The following TSPAN9 variants were observed in gnomAD, a reference collection of about 807,000 sequenced individuals.
TSPAN9 encodes tetraspanin-9.
Under a neutral mutation model 31.0 loss-of-function variants are expected in TSPAN9, and 16 were observed. That is an observed-to-expected ratio of 0.52 (90% CI 0.35 to 0.78). The LOEUF (loss-of-function observed/expected upper bound fraction) is 0.78, where lower values mean the gene tolerates loss of function less well. TSPAN9 is among the 30% of genes least tolerant of loss of function. TSPAN9 has a pLI of 0.01. For synonymous variants in TSPAN9, 145 were observed against 121.6 expected, an observed-to-expected ratio of 1.19 and a Z score of -1.27; for missense variants, 272 against 312.5, an observed-to-expected ratio of 0.87 and a Z score of 0.98.
intron 3 of TSPAN9, among the ~76,000 whole-genome samples, chr12:3,226,600 G>T (rs1181920497): frequency 1.4e-5 from 2 of 147,874 alleles, no homozygotes; most frequent in Non-Finnish European, 3.0e-5. Flanking sequence ...GGAGTTTGAG[G>T]CCAGCCTAGG....
chr12:3,165,671 C>T (rs993084452), intron 2 of TSPAN9, among the ~76,000 whole-genome samples: 1 of 152,178 alleles, frequency 6.6e-6, no homozygotes, highest in Admixed American at 6.5e-5. Context: ...GGAGGCGCCT[C>T]TGCTTGTAAG....
chr12:3,283,726 T>C lies in TSPAN9; in HGVS notation c.*610T>C, dbSNP rs1275344395. ...CTTTTTACTGTGTTGATTTCTTTAA[T>C]GGTTTGACTTTTTTTCCCTGAGGGT... On this transcript the variant is annotated 3_prime_UTR_variant, in exon 9 of 9. Transcript: ENST00000011898. The C allele has an allele frequency of 6.5e-6, 1 of 152,766 alleles. No individual in the cohort carries two copies. Among genetic ancestry groups the C allele is most frequent in the African/African-American group, 2.4e-5 (1 of 41,480 alleles). The allele number at this position is 152,766 out of a possible 1,614,324, so 9.5% of individuals were successfully genotyped here.
intron 3 of TSPAN9, among the ~76,000 whole-genome samples, chr12:3,210,963 C>G (rs1260387178): frequency 6.6e-6 from 1 of 152,084 alleles, no homozygotes; most frequent in Non-Finnish European, 1.5e-5. Flanking sequence ...CCAGGCTGGT[C>G]TCAACCTCCT....
intron 3 of TSPAN9, among the ~76,000 whole-genome samples, chr12:3,264,862 T>C (rs1862513252): frequency 6.6e-6 from 1 of 152,250 alleles, no homozygotes; most frequent in South Asian, 2.1e-4. Flanking sequence ...AAAAAGTCGT[T>C]TTCTGCGGTC....
intron 2 of TSPAN9, among the ~76,000 whole-genome samples, chr12:3,189,228 A>C (rs772323653): frequency 1.3e-5 from 2 of 151,874 alleles, no homozygotes; most frequent in Non-Finnish European, 2.9e-5. Context: ...GAGGCTTCGG[A>C]GGTGGAGGGC....
At chr12:3,243,229 G>GT (rs2098397532) in intron 3 of TSPAN9, among the ~76,000 whole-genome samples, 2 of 152,110 alleles carry the variant, frequency 1.3e-5, no homozygotes, top group African/African-American at 2.4e-5. Context: ...TCCCCATCTC[G>GT]TTGTCTGCTG....
At chr12:3,151,926 A>G (rs922047413) in intron 2 of TSPAN9, among the ~76,000 whole-genome samples, 8 of 152,100 alleles carry the variant, frequency 5.3e-5, no homozygotes, top group African/African-American at 9.7e-5. Context: ...CCACCTCAAA[A>G]AAAACAAAAA....
intron 2 of TSPAN9, among the ~76,000 whole-genome samples, chr12:3,186,271 G>C (rs1040826291): frequency 1.3e-5 from 2 of 152,196 alleles, no homozygotes; most frequent in African/African-American, 4.8e-5. Flanking sequence ...GAAACTGTTC[G>C]TAGCTTTGGG....
intron 3 of TSPAN9, among the ~76,000 whole-genome samples, chr12:3,259,608 A>G (rs145813089): frequency 6.6e-6 from 1 of 152,376 alleles, no homozygotes; most frequent in East Asian, 1.9e-4. Flanking sequence ...GAAAGGAAGC[A>G]AGGAAAACTT....
At chr12:3,277,846 C>G (rs1457315326) in intron 3 of TSPAN9, among the ~76,000 whole-genome samples, 1 of 152,244 alleles carries the variant, frequency 6.6e-6, no homozygotes, top group East Asian at 1.9e-4. Flanking sequence ...CAGCCGATGA[C>G]TGCCTCCTTT....
At chr12:3,110,232 C>A (rs1222029481) in intron 2 of TSPAN9, among the ~76,000 whole-genome samples, 2 of 152,132 alleles carry the variant, frequency 1.3e-5, no homozygotes, top group African/African-American at 4.8e-5. Context: ...GAGGCCAAGA[C>A]CCTGCCCTCT....
intron 2 of TSPAN9, among the ~76,000 whole-genome samples, chr12:3,162,525 G>A (rs916855024): frequency 1.3e-5 from 2 of 152,110 alleles, no homozygotes; most frequent in Non-Finnish European, 2.9e-5. Flanking sequence ...AGGTATTTGA[G>A]GGCCCCTAGG....
chr12:3,158,245 A>G (rs919369008), intron 2 of TSPAN9, among the ~76,000 whole-genome samples: 8 of 152,276 alleles, frequency 5.3e-5, no homozygotes, highest in Non-Finnish European at 8.8e-5. Flanking sequence ...GATGCCTCCT[A>G]CAAGATCTGT....
chr12:3,229,346 C>G (rs1392179410), intron 3 of TSPAN9, among the ~76,000 whole-genome samples: 1 of 152,206 alleles, frequency 6.6e-6, no homozygotes, highest in African/African-American at 2.4e-5. Context: ...CGTGGCCTGG[C>G]CTTCGAGGTG....
intron 3 of TSPAN9, among the ~76,000 whole-genome samples, chr12:3,222,129 A>G (rs1290777328): frequency 6.6e-6 from 1 of 152,158 alleles, no homozygotes; most frequent in African/African-American, 2.4e-5. Context: ...TTTCCTGAAA[A>G]TTCTTCCAAT....
At chr12:3,244,653 G>A (rs1460612388) in intron 3 of TSPAN9, among the ~76,000 whole-genome samples, 1 of 152,174 alleles carries the variant, frequency 6.6e-6, no homozygotes, top group Non-Finnish European at 1.5e-5. Context: ...CCCACCAGAT[G>A]GCGATCCCCC....
chr12:3,244,518 C>T (rs888802698), intron 3 of TSPAN9, among the ~76,000 whole-genome samples: 4 of 152,192 alleles, frequency 2.6e-5, no homozygotes, highest in African/African-American at 4.8e-5. Flanking sequence ...CAGCTGGTGA[C>T]GTGGGCTGGG....
At position 3,107,420 on chromosome 12, in the gene TSPAN9, G is replaced by A. The variant is rs555994665; in HGVS notation, c.-18+23701G>A. On this transcript the variant is annotated intron_variant, in intron 2 of 8. Coordinates refer to ENST00000011898, the MANE Select transcript of TSPAN9 (RefSeq NM_006675.5). This position sits in a 1 kb window ranked among gnomAD's most constrained non-coding sequence, Gnocchi z 4.1. ...TTTGGCTGCCTGATGGGTTGACTCA[G>A]GGCCTTCGTTCCCAGTCTTTGGGCC... Among the ~76,000 whole-genome samples the A allele has an allele frequency of 6.6e-6, 1 of 152,316 alleles. No homozygotes were observed. The highest frequency in any genetic ancestry group is 2.1e-4 in the South Asian group (1 of 4,826).
intron 3 of TSPAN9, among the ~76,000 whole-genome samples, chr12:3,248,953 C>T (rs504379): frequency 0.049 from 7,400 of 152,326 alleles, 264 homozygotes; most frequent in Middle Eastern, 0.085. Flanking sequence ...CATGCCGCCT[C>T]CCTGAGGCCC....
Sources: allele counts gnomAD v4.1 joint callset (sites outside exome capture counted in the v4.1 genomes callset), GRCh38; gene constraint gnomAD v4.1.1; non-coding constraint Gnocchi (gnomAD v3.1); transcripts MANE v1.5; gene names NCBI Gene and HGNC (gene_info 2026-07-23, HGNC 2026-07-21).